Variants in RALYL observed in about 807,000 individuals in gnomAD.
RALYL encodes RNA-binding Raly-like protein.
Under a neutral mutation model 35.1 loss-of-function variants are expected in RALYL, and 29 were observed. The ratio of observed to expected loss-of-function variants is 0.83; its 90% CI spans 0.61 to 1.13. RALYL has a LOEUF of 1.13. RALYL is among the 50% of genes most tolerant of loss of function. The probability of loss-of-function intolerance (pLI) is 0.00; values close to 1 mark genes in which losing one functional copy is unlikely to be tolerated. For missense variants in RALYL, 359 were observed against 360.4 expected (o/e 1.00, Z 0.03); for synonymous variants, 120 against 127.6 (o/e 0.94, Z 0.40).
chr8:84,849,917 G>T, intron 4 of RALYL, 63 bp from the exon 5 acceptor site: 1 of 875,204 alleles, frequency 1.1e-6, no homozygotes, highest in Non-Finnish European at 1.7e-6. Flanking sequence ...AACATCATAA[G>T]TTAATAATAA....
At chr8:84,785,092 CCA>C (rs1819076321) in intron 3 of RALYL, among the ~76,000 whole-genome samples, 1 of 152,120 alleles carries the variant, frequency 6.6e-6, no homozygotes, top group Non-Finnish European at 1.5e-5. Flanking sequence ...AACTGAGATG[CCA>C]CATAGTTTAT....
intron 1 of RALYL, among the ~76,000 whole-genome samples, chr8:84,305,712 A>G (rs1191613065): frequency 1.3e-5 from 2 of 152,200 alleles, no homozygotes; most frequent in African/African-American, 4.8e-5. Context: ...TGGTAAGGAA[A>G]ACAAGTTGGT....
intron 1 of RALYL, among the ~76,000 whole-genome samples, chr8:84,523,062 C>T (rs1281435916): frequency 1.3e-5 from 2 of 152,190 alleles, no homozygotes; most frequent in South Asian, 2.1e-4. Context: ...GGTATCTTTA[C>T]AGCAGCACCC....
intron 5 of RALYL, among the ~76,000 whole-genome samples, chr8:84,857,386 G>T (rs984623593): frequency 1.3e-5 from 2 of 152,160 alleles, no homozygotes; most frequent in Non-Finnish European, 2.9e-5. Context: ...CATGAACAAG[G>T]AAAAAGAAGA....
At chr8:84,341,211 A>G (rs903585607) in intron 1 of RALYL, among the ~76,000 whole-genome samples, 4 of 120,882 alleles carry the variant, frequency 3.3e-5, no homozygotes, top group Non-Finnish European at 7.0e-5. Flanking sequence ...AATTTTGGCT[A>G]TTAACTATTT....
intron 2 of RALYL, among the ~76,000 whole-genome samples, chr8:84,610,993 A>T (rs1249899575): frequency 6.6e-6 from 1 of 152,154 alleles, no homozygotes; most frequent in African/African-American, 2.4e-5. Context: ...TTCTGCAAGC[A>T]TCCCTAGTTG....
At chr8:84,379,646 A>AAAAC (rs139790097) in intron 1 of RALYL, among the ~76,000 whole-genome samples, 2 of 151,796 alleles carry the variant, frequency 1.3e-5, no homozygotes, top group Non-Finnish European at 2.9e-5. Flanking sequence ...CTTCCACTAA[A>AAAAC]AAACAAACAA....
chr8:84,553,828 G>A lies in RALYL; in HGVS notation c.256+24251G>A, dbSNP rs193076556. ...CTATACTGTCTATTTTATTTCTTACGTGTATATCTATGTTAATATTTAAAT... is the reference window on the plus strand; with the variant it reads ...CTATACTGTCTATTTTATTTCTTACATGTATATCTATGTTAATATTTAAAT... On this transcript the variant is annotated intron_variant, in intron 2 of 8. Transcript: ENST00000521268. Among the ~76,000 whole-genome samples, 10 of 151,984 alleles carry A rather than the reference G, an allele frequency of 6.6e-5. No individual in the cohort carries two copies. In the East Asian group the frequency reaches 1.4e-3, roughly 21 times the overall value.
chr8:84,720,315 G>A (rs749459976), intron 2 of RALYL, among the ~76,000 whole-genome samples: 12 of 152,010 alleles, frequency 7.9e-5, no homozygotes, highest in Non-Finnish European at 1.3e-4. Context: ...TAGACACATA[G>A]ACAAATAGAA....
At chr8:84,576,078 T>C (rs1809350556) in intron 2 of RALYL, among the ~76,000 whole-genome samples, 1 of 151,980 alleles carries the variant, frequency 6.6e-6, no homozygotes, top group Non-Finnish European at 1.5e-5. Flanking sequence ...CAATGGTCAA[T>C]ATTAAAAAGG....
chr8:84,907,310 TCACACACA>T (rs71273918), intron 8 of RALYL, among the ~76,000 whole-genome samples: 1,704 of 147,900 alleles, frequency 0.012, 11 homozygotes, highest in African/African-American at 0.024. Context: ...AGATATAGCG[TCACACACA>T]CACACACACA....
At chr8:84,524,578 G>A (rs957620123) in intron 1 of RALYL, among the ~76,000 whole-genome samples, 2 of 152,098 alleles carry the variant, frequency 1.3e-5, no homozygotes, top group African/African-American at 4.8e-5. Flanking sequence ...TCAGCAGAAT[G>A]GTAGAGTTTA....
At chr8:84,868,260 G>A (rs1015419206) in intron 6 of RALYL, among the ~76,000 whole-genome samples, 1 of 152,174 alleles carries the variant, frequency 6.6e-6, no homozygotes, top group Non-Finnish European at 1.5e-5. Context: ...AGGCTGGAAT[G>A]CAGTGGCATG....
At chr8:84,519,076 ATAC>A (rs768194331) in intron 1 of RALYL, among the ~76,000 whole-genome samples, 19 of 152,200 alleles carry the variant, frequency 1.2e-4, no homozygotes, top group Admixed American at 1.3e-4. Context: ...CTGTCTTCAT[ATAC>A]TACATCAATT....
intron 1 of RALYL, among the ~76,000 whole-genome samples, chr8:84,417,024 C>T (rs889254345): frequency 6.6e-6 from 1 of 150,404 alleles, no homozygotes; most frequent in African/African-American, 2.4e-5. Context: ...TTTCAAAGTG[C>T]AAGTAACCAA....
intron 1 of RALYL, among the ~76,000 whole-genome samples, chr8:84,206,880 T>G (rs766560): frequency 0.23 from 35,187 of 152,044 alleles, 4,174 homozygotes; most frequent in Non-Finnish European, 0.27. Context: ...TAGACATTTC[T>G]CAAAAGAAGA....
intron 1 of RALYL, among the ~76,000 whole-genome samples, chr8:84,423,971 C>A (rs1438336104): frequency 6.6e-6 from 1 of 151,710 alleles, no homozygotes; most frequent in Non-Finnish European, 1.5e-5. Flanking sequence ...TTCTCTCTGG[C>A]TGCCCTTAAC....
intron 1 of RALYL, among the ~76,000 whole-genome samples, chr8:84,476,968 C>T (rs4740013): frequency 0.41 from 62,736 of 151,880 alleles, 13,042 homozygotes; most frequent in South Asian, 0.53. Context: ...TTTTGGAAGA[C>T]GTGGCAGAGA....
intron 2 of RALYL, among the ~76,000 whole-genome samples, chr8:84,548,078 T>C (rs1235836101): frequency 6.6e-6 from 1 of 152,216 alleles, no homozygotes; most frequent in African/African-American, 2.4e-5. Context: ...AGGAATGTGT[T>C]CTCAACTTAT....
Sources: allele counts gnomAD v4.1 joint callset (sites outside exome capture counted in the v4.1 genomes callset), GRCh38; gene constraint gnomAD v4.1.1; transcripts MANE v1.5; gene names NCBI Gene and HGNC (gene_info 2026-07-23, HGNC 2026-07-21).